Variants in SPART observed in about 807,000 individuals in gnomAD.
SPART encodes spartin.
A neutral mutation model predicts 58.7 loss-of-function variants in SPART; 35 were observed. The observed-to-expected ratio is 0.60, with a 90% CI of 0.46 to 0.79. The LOEUF is 0.79. Ranked by LOEUF, SPART falls within the 30% of genes least tolerant of loss-of-function variation. The pLI is 0.00. For missense variants in SPART, 730 were observed against 786.1 expected (o/e 0.93, Z 0.85); for synonymous variants, 284 against 280.7 (o/e 1.01, Z -0.12).
intron 4 of SPART, among the ~76,000 whole-genome samples, chr13:36,328,883 G>A (rs1883195013): frequency 6.6e-6 from 1 of 152,094 alleles, no homozygotes; most frequent in Non-Finnish European, 1.5e-5. Context: ...AGTGAATATA[G>A]GAAGGCAGAG....
chr13:36,328,409 A>G (rs753134180), intron 4 of SPART, among the ~76,000 whole-genome samples: 4 of 152,108 alleles, frequency 2.6e-5, no homozygotes, highest in East Asian at 1.9e-4. Context: ...TAAATTTGCT[A>G]TTCATAAGGC....
Position 36,314,270 on chromosome 13 carries a change from C to A in SPART, c.1440G>T (p.Ala480=). 3 of 1,614,094 alleles carry A rather than the reference C, an allele frequency of 1.9e-6. No homozygotes were observed. Among genetic ancestry groups the A allele is most frequent in the Non-Finnish European group, 2.5e-6 (3 of 1,180,028 alleles). The change falls in exon 6 of 9, where the codon GCG becomes GCT. Residue 480 remains alanine (A), a synonymous_variant. Transcript: ENST00000438666. ...TTGCTGCTCCTCCTGTAGCTTGCTT[C>A]GCTATATAAAGTCCCTTGGTGACAG... The part of the protein sequence containing the change: ...SPAVTKGLYI[A]KQATGGAAKV...
chr13:36,335,687 T>C lies in SPART; in HGVS notation c.144A>G (p.Gln48=), dbSNP rs2137555412. Residue 48 remains glutamine, a synonymous_variant, in exon 2 of 9, where the codon CAA becomes CAG. Transcript: ENST00000438666. ...QKEEAKNYYK[Q]GIGHLLRGIS... is the part of the protein sequence containing the mutation. ...TCCCTCTGAGCAGGTGTCCTATTCCTTGCTTATAGTAGTTCTTTGCTTCTT... is the reference window on the plus strand; with the variant it reads ...TCCCTCTGAGCAGGTGTCCTATTCCCTGCTTATAGTAGTTCTTTGCTTCTT... 6.2e-7 allele frequency: 1 copy of C among 1,614,168 alleles called. No homozygotes were observed. The highest frequency in any genetic ancestry group is 1.7e-4 in the Middle Eastern group (1 of 6,060).
At chr13:36,305,420 T>G (rs1880423982) in intron 8 of SPART, among the ~76,000 whole-genome samples, 1 of 152,212 alleles carries the variant, frequency 6.6e-6, no homozygotes, top group Non-Finnish European at 1.5e-5. Context: ...CATGTCTTGC[T>G]TCTCTCACTA....
intron 1 of SPART, among the ~76,000 whole-genome samples, chr13:36,351,664 A>T (rs1291612446): frequency 2.0e-5 from 3 of 152,198 alleles, no homozygotes; most frequent in Non-Finnish European, 4.4e-5. Context: ...GGTTTTAGGC[A>T]TGCAATACCC....
At chr13:36,306,097 A>C (rs1275803967) in intron 8 of SPART, among the ~76,000 whole-genome samples, 1 of 152,182 alleles carries the variant, frequency 6.6e-6, no homozygotes, top group Non-Finnish European at 1.5e-5. Context: ...ATTATATTAG[A>C]GCTAGCACAC....
upstream of SPART, among the ~76,000 whole-genome samples, chr13:36,351,336 A>G (rs1048823235): frequency 3.3e-5 from 5 of 152,234 alleles, no homozygotes; most frequent in African/African-American, 2.4e-5. Context: ...TTTGCACTCA[A>G]TAAATATTGG....
chr13:36,310,740 T>C (rs1593221738), intron 8 of SPART, among the ~76,000 whole-genome samples: 1 of 152,178 alleles, frequency 6.6e-6, no homozygotes, highest in East Asian at 1.9e-4. Context: ...TGTTCACACT[T>C]GTTTTCTTTA....
At chr13:36,341,776 T>G (rs906155931) in intron 1 of SPART, among the ~76,000 whole-genome samples, 9 of 152,188 alleles carry the variant, frequency 5.9e-5, no homozygotes, top group Non-Finnish European at 8.8e-5. Flanking sequence ...TTCATGGTAG[T>G]CAACAGAATA....
intron 1 of SPART, among the ~76,000 whole-genome samples, chr13:36,352,822 T>C (rs1291417310): frequency 2.0e-5 from 3 of 149,350 alleles, no homozygotes; most frequent in Admixed American, 6.7e-5. Flanking sequence ...TAGCCAGGCA[T>C]GGTGGCACAC....
intron 1 of SPART, among the ~76,000 whole-genome samples, chr13:36,353,751 G>A (rs1460259289): frequency 2.0e-5 from 3 of 152,194 alleles, no homozygotes; most frequent in Non-Finnish European, 2.9e-5. Context: ...ACAGGCAGAT[G>A]TTTGACCATT....
At chr13:36,356,493 C>T (rs1477568125) in intron 1 of SPART, among the ~76,000 whole-genome samples, 1 of 152,208 alleles carries the variant, frequency 6.6e-6, no homozygotes, top group Non-Finnish European at 1.5e-5. Flanking sequence ...AATCCTTTGT[C>T]TTAATCCAGA....
intron 1 of SPART, among the ~76,000 whole-genome samples, chr13:36,362,981 C>T (rs1056290301): frequency 2.0e-5 from 3 of 152,104 alleles, no homozygotes; most frequent in African/African-American, 7.2e-5. Flanking sequence ...GGGCTTCCCA[C>T]TCTTTAACAT....
rs1412076590 is a variant in SPART, at chr13:36,326,601, T to G, written c.1262A>C (p.Glu421Ala). ...EKPKELPEWSEKVAHNILSGA... is the reference protein window; with the variant it reads ...EKPKELPEWSAKVAHNILSGA... Reference sequence around the variant, plus strand: ...TGACAAAATGTTGTGAGCCACTTTTTCACTCCATTCAGGTAATTCTTTTGG... The same window carrying G: ...TGACAAAATGTTGTGAGCCACTTTTGCACTCCATTCAGGTAATTCTTTTGG... The change falls in exon 5 of 9, where the codon GAA (glutamate) becomes GCA (alanine). Residue 421 changes from glutamate to alanine, a missense_variant. Coordinates refer to ENST00000438666, the MANE Select transcript of SPART (RefSeq NM_015087.5). The G allele has an allele frequency of 2.5e-6, 4 of 1,613,524 alleles. No individual in the cohort carries two copies. Among genetic ancestry groups the G allele is most frequent in the Non-Finnish European group, 3.4e-6 (4 of 1,179,892 alleles).
At chr13:36,315,852 A>C (rs974964339) in intron 5 of SPART, among the ~76,000 whole-genome samples, 1 of 152,260 alleles carries the variant, frequency 6.6e-6, no homozygotes, top group Admixed American at 6.5e-5. Context: ...ATTATAAGAA[A>C]TAACAGGGAT....
intron 1 of SPART, among the ~76,000 whole-genome samples, chr13:36,341,195 C>G (rs551282507): frequency 6.6e-6 from 1 of 151,996 alleles, no homozygotes; most frequent in Admixed American, 6.6e-5. Context: ...TTTCTTAAAT[C>G]TATGTGTATG....
intron 5 of SPART, among the ~76,000 whole-genome samples, chr13:36,315,141 T>C (rs1207888610): frequency 6.6e-6 from 1 of 152,214 alleles, no homozygotes; most frequent in African/African-American, 2.4e-5. Flanking sequence ...TTGCTTTGCT[T>C]TGCTTATGTT....
intron 5 of SPART, among the ~76,000 whole-genome samples, chr13:36,321,131 T>C (rs1303229254): frequency 6.6e-6 from 1 of 152,184 alleles, no homozygotes; most frequent in Admixed American, 6.5e-5. Context: ...CCAGTCTCAT[T>C]CGAGACACCA....
chr13:36,338,913 T>A (rs563667512), intron 1 of SPART, among the ~76,000 whole-genome samples: 2 of 152,240 alleles, frequency 1.3e-5, no homozygotes, highest in South Asian at 4.1e-4. Context: ...AAGCCATAGT[T>A]GATAGGTTCC....
Sources: gnomAD v4.1 joint callset for allele counts (sites outside exome capture counted in the v4.1 genomes callset) on GRCh38, gnomAD v4.1.1 for gene constraint, MANE v1.5 for transcripts, NCBI Gene and HGNC (gene_info 2026-07-23, HGNC 2026-07-21) for gene names.